FNDC1: variants seen among roughly 807,000 people sequenced by gnomAD.
The protein encoded by FNDC1 is fibronectin type III domain-containing protein 1.
FNDC1 carries 96 observed loss-of-function variants against 168.0 expected under a neutral mutation model. The observed-to-expected ratio is 0.57, with a 90% CI of 0.48 to 0.68. FNDC1 has a LOEUF of 0.68. Among genes scored for constraint, FNDC1 ranks in the 30% least tolerant of loss-of-function variants. FNDC1 has a pLI of 0.00. For synonymous variants in FNDC1, 1,099 were observed against 1,025.9 expected (o/e 1.07, Z -1.36); for missense variants, 2,587 against 2,482.1 (o/e 1.04, Z -0.90).
chr6:159,232,469 G>T lies in FNDC1; in HGVS notation c.1957G>T (p.Ala653Ser), dbSNP rs755834840. 1 of 1,612,224 alleles carries T rather than the reference G, an allele frequency of 6.2e-7. No homozygotes were observed. The highest frequency in any genetic ancestry group is 1.1e-5 in the South Asian group (1 of 90,868). Residue 653 changes from alanine (A) to serine (S), a missense_variant, in exon 11 of 23, where the codon GCT becomes TCT. Ala to Ser is a moderately conservative substitution (Grantham distance 99). Coordinates refer to ENST00000297267, the MANE Select transcript of FNDC1 (RefSeq NM_032532.3). The surrounding 1 kb of genome is among the most constrained non-coding windows in gnomAD (Gnocchi z 4.9). Reference sequence around the variant, plus strand: ...GGTGGACTCAGACGAAGATGAGCGCGCTGTGGGCTCCCTCCACCCCAAGGG... The same window carrying T: ...GGTGGACTCAGACGAAGATGAGCGCTCTGTGGGCTCCCTCCACCCCAAGGG... ...DLVDSDEDER[A>S]VGSLHPKGAF... is the part of the protein sequence containing the mutation.
chr6:159,188,763 T>C (rs1583857205), intron 1 of FNDC1, among the ~76,000 whole-genome samples: 2 of 150,868 alleles, frequency 1.3e-5, no homozygotes, highest in East Asian at 3.9e-4. Flanking sequence ...TTTTTTTTTT[T>C]TTAAGATGGA....
At chr6:159,182,911 A>G (rs1316754344) in intron 1 of FNDC1, among the ~76,000 whole-genome samples, 1 of 152,224 alleles carries the variant, frequency 6.6e-6, no homozygotes, top group Non-Finnish European at 1.5e-5. Context: ...AAAAATTCCA[A>G]TTAAAAGTAT....
intron 22 of FNDC1, among the ~76,000 whole-genome samples, chr6:159,270,155 T>A (rs890085658): frequency 1.3e-5 from 2 of 152,162 alleles, no homozygotes; most frequent in Non-Finnish European, 2.9e-5. Context: ...GACCTAGTGA[T>A]CTAGAGGTCT....
At chr6:159,199,474 T>C (rs565656901) in intron 2 of FNDC1, among the ~76,000 whole-genome samples, 1 of 152,362 alleles carries the variant, frequency 6.6e-6, no homozygotes, top group South Asian at 2.1e-4. Context: ...GGGAATATTT[T>C]ATTATGAAAA....
chr6:159,219,935 A>G (rs1782785852), intron 5 of FNDC1, among the ~76,000 whole-genome samples: 2 of 152,198 alleles, frequency 1.3e-5, no homozygotes, highest in South Asian at 4.1e-4. Context: ...AATAGCACCG[A>G]GTAATGAACA....
intron 1 of FNDC1, among the ~76,000 whole-genome samples, chr6:159,187,682 G>T (rs537012380): frequency 4.6e-5 from 7 of 152,012 alleles, no homozygotes; most frequent in Non-Finnish European, 1.0e-4. Flanking sequence ...GACTTCCAGG[G>T]TTTTCTTTTT....
rs747085180 is a variant in FNDC1, at chr6:159,231,985, C to G, written c.1473C>G (p.Pro491=). 1.9e-6 allele frequency: 3 copies of G among 1,613,870 alleles called. No homozygotes were observed. The highest frequency in any genetic ancestry group is 2.5e-6 in the Non-Finnish European group (3 of 1,179,900). ...GAGCTCCAGCTTCCTCCCAACACCC[C>G]TCTGTGCCTGCTTCTCCCCAAGGGA... ...SPRAPASSQH[P]SVPASPQGRN... is the part of the protein sequence containing the mutation. Residue 491 remains proline (P), a synonymous_variant, in exon 11 of 23, where the codon CCC becomes CCG. Coordinates refer to ENST00000297267, the MANE Select transcript of FNDC1 (RefSeq NM_032532.3).
At chr6:159,236,441 A>G (rs1163108949) in intron 12 of FNDC1, 126 bp downstream of exon 12, 10 of 666,418 alleles carry the variant, frequency 1.5e-5, no homozygotes, top group African/African-American at 5.5e-5. Context: ...TTAACTACTT[A>G]TATGTACTTG....
rs1300560142 is a variant in FNDC1, at chr6:159,261,254, T to C, written c.5239T>C (p.Phe1747Leu). ...GYGPISPSVS[F>L]VTESDNPLLV... ...CGGACCTATCAGCCCTTCGGTCTCA[T>C]TTGTCACCGAATCAGGTATGAATGA... The change falls in exon 19 of 23, where the codon TTT becomes CTT. Residue 1747 changes from phenylalanine to leucine, a missense_variant. Phe to Leu is a conservative substitution (Grantham distance 22, BLOSUM62 0). Transcript: ENST00000297267. 6 of 1,611,784 alleles carry C rather than the reference T, an allele frequency of 3.7e-6. No individual in the cohort carries two copies. In the Admixed American group the frequency reaches 1.0e-4, roughly 27 times the overall value.
intron 1 of FNDC1, among the ~76,000 whole-genome samples, chr6:159,195,403 G>A (rs1344441295): frequency 8.0e-6 from 1 of 125,504 alleles, no homozygotes; most frequent in Non-Finnish European, 1.7e-5. Context: ...GATGGTGGGG[G>A]AAGGTGGGGT....
intron 1 of FNDC1, among the ~76,000 whole-genome samples, chr6:159,190,137 G>A (rs1260687208): frequency 6.6e-6 from 1 of 152,184 alleles, no homozygotes; most frequent in African/African-American, 2.4e-5. Context: ...GGTGGCGCGA[G>A]GTGGTCCTCA....
At chr6:159,239,373 T>A in intron 13 of FNDC1, 144 bp from the exon 14 acceptor site, 2 of 676,016 alleles carry the variant, frequency 3.0e-6, no homozygotes, top group Non-Finnish European at 4.8e-6. Context: ...TGGAGCATAC[T>A]GATGCAATAT....
At chr6:159,199,886 G>A (rs1230911057) in intron 2 of FNDC1, 110 bp from the exon 3 acceptor site, 2 of 879,368 alleles carry the variant, frequency 2.3e-6, no homozygotes, top group Admixed American at 2.2e-5. Flanking sequence ...TTGGATTTTT[G>A]TATTTGGTTA....
At position 159,234,337 on chromosome 6, in the gene FNDC1, C is replaced by T. The variant is rs776172778; in HGVS notation, c.3825C>T (p.Thr1275=). ...CCACCGTGAGCCCCGTCGCGGGCAC[C>T]CACCCCTGGCCGCAGTACACCACGC... ...SAATVSPVAG[T]HPWPQYTTRA... Residue 1275 remains threonine (T), a synonymous_variant, in exon 11 of 23, where the codon ACC becomes ACT. Transcript: ENST00000297267. The T allele has an allele frequency of 4.3e-6, 7 of 1,611,120 alleles. No individual in the cohort carries two copies. Among genetic ancestry groups the T allele is most frequent in the Middle Eastern group, 1.7e-4 (1 of 6,056 alleles).
chr6:159,255,139 T>C (rs1183179854), intron 17 of FNDC1, among the ~76,000 whole-genome samples: 1 of 152,206 alleles, frequency 6.6e-6, no homozygotes, highest in African/African-American at 2.4e-5. Flanking sequence ...TCCCTTTCTT[T>C]TAGGATGAAA....
rs1379822853 is a variant in FNDC1, at chr6:159,252,296, T to A, written c.5065+764T>A. Among the ~76,000 whole-genome samples the A allele has an allele frequency of 2.0e-5, 3 of 152,088 alleles. No homozygotes were observed. The East Asian group carries it at 5.8e-4, about 29-fold the overall frequency. ...GCTGTGTGTGTCTCTGACTGGGAGGTAGCGGTCGCATTAGAGGTCAGAGTT... is the reference window on the plus strand; with the variant it reads ...GCTGTGTGTGTCTCTGACTGGGAGGAAGCGGTCGCATTAGAGGTCAGAGTT... On this transcript the variant is annotated intron_variant, in intron 17 of 22. Coordinates refer to ENST00000297267, the MANE Select transcript of FNDC1 (RefSeq NM_032532.3).
At chr6:159,211,547 C>G (rs1782606314) in intron 4 of FNDC1, among the ~76,000 whole-genome samples, 1 of 152,166 alleles carries the variant, frequency 6.6e-6, no homozygotes. Context: ...CTCTTTTGCT[C>G]ACATTTGGTT....
chr6:159,269,338 T>C (rs1306941282), intron 22 of FNDC1, among the ~76,000 whole-genome samples: 4 of 105,596 alleles, frequency 3.8e-5, no homozygotes, highest in South Asian at 6.4e-4. Context: ...TCTATCTATC[T>C]ATCTATCCAT....
At chr6:159,183,603 C>T (rs1172910014) in intron 1 of FNDC1, among the ~76,000 whole-genome samples, 1 of 152,112 alleles carries the variant, frequency 6.6e-6, no homozygotes, top group Non-Finnish European at 1.5e-5. Context: ...AGAGGGAAAG[C>T]CAGAGCTGGG....
Sources: allele counts gnomAD v4.1 joint callset (sites outside exome capture counted in the v4.1 genomes callset), GRCh38; gene constraint gnomAD v4.1.1; non-coding constraint Gnocchi (gnomAD v3.1); transcripts MANE v1.5; gene names NCBI Gene and HGNC (gene_info 2026-07-23, HGNC 2026-07-21).